The following FUT8 variants were observed in gnomAD, a reference collection of about 807,000 sequenced individuals.
FUT8 encodes the protein fucosyltransferase 8.
A neutral mutation model predicts 71.3 loss-of-function variants in FUT8; 29 were observed. The ratio of observed to expected loss-of-function variants is 0.41; its 90% CI spans 0.30 to 0.55. The LOEUF (loss-of-function observed/expected upper bound fraction) is 0.55, where lower values mean the gene tolerates loss of function less well. FUT8 is among the 20% of genes least tolerant of loss of function. FUT8 has a pLI of 0.34. For missense variants in FUT8, 544 were observed against 702.1 expected (o/e 0.77, Z 2.55); for synonymous variants, 254 against 239.3 (o/e 1.06, Z -0.57).
chr14:65,578,912 T>C (rs1425406236), intron 3 of FUT8, among the ~76,000 whole-genome samples: 1 of 152,130 alleles, frequency 6.6e-6, no homozygotes, highest in East Asian at 1.9e-4. Context: ...TTTAAAAAAA[T>C]GTATGCAAAA....
chr14:65,520,980 T>A (rs988870690), intron 2 of FUT8, among the ~76,000 whole-genome samples: 17 of 152,250 alleles, frequency 1.1e-4, no homozygotes, highest in African/African-American at 3.8e-4. Context: ...TTTAGATTTC[T>A]TTCTCTTTTT....
intron 3 of FUT8, among the ~76,000 whole-genome samples, chr14:65,587,154 A>C (rs1396342595): frequency 1.3e-5 from 2 of 151,004 alleles, no homozygotes; most frequent in East Asian, 3.9e-4. Flanking sequence ...GTGCCACTGC[A>C]CTCCAGCCTG....
the FUT8 span, among the ~76,000 whole-genome samples, chr14:65,394,047 C>T: frequency 5.9e-5 from 9 of 152,188 alleles, no homozygotes; most frequent in African/African-American, 2.2e-4. Flanking sequence ...ACCTCCACCT[C>T]CTGGGTTCAA....
At chr14:65,361,644 C>T in the FUT8 span, among the ~76,000 whole-genome samples, 5 of 151,908 alleles carry the variant, frequency 3.3e-5, no homozygotes, top group Admixed American at 6.6e-5. Flanking sequence ...AAAAATTAGC[C>T]GGGCGTGGTG....
Position 65,489,448 on chromosome 14 carries a change from C to G in FUT8, c.-228+33730C>G, listed in dbSNP as rs1431354445. Among the ~76,000 whole-genome samples, 1 of 151,970 alleles carries G rather than the reference C, an allele frequency of 6.6e-6. No homozygotes were observed. Among genetic ancestry groups the G allele is most frequent in the African/African-American group, 2.4e-5 (1 of 41,392 alleles). On this transcript the variant is annotated intron_variant, in intron 2 of 10. Transcript: ENST00000673929. This position sits in a 1 kb window ranked among gnomAD's most constrained non-coding sequence, Gnocchi z 4.0. The stretch of plus-strand genomic sequence containing the variant: ...AAAGTATTGATGTTTTTATAGGAAT[C>G]TCTGCTATCCAGGGATAAAACATAA...
intron 6 of FUT8, among the ~76,000 whole-genome samples, chr14:65,658,441 G>C (rs1891800920): frequency 6.6e-6 from 1 of 152,018 alleles, no homozygotes; most frequent in Non-Finnish European, 1.5e-5. Flanking sequence ...GTATATCCTA[G>C]AGAAAACCCA....
chr14:65,580,324 A>C (rs1048676999), intron 3 of FUT8, among the ~76,000 whole-genome samples: 1 of 151,622 alleles, frequency 6.6e-6, no homozygotes, highest in African/African-American at 2.4e-5. Context: ...GTATTTGTGT[A>C]AACATATCTA....
chr14:65,415,416 TTTA>T (rs1361944188), intron 1 of FUT8, among the ~76,000 whole-genome samples: 8 of 152,326 alleles, frequency 5.3e-5, no homozygotes, highest in Admixed American at 3.3e-4. Context: ...TGCTTAAAGA[TTTA>T]TTGGATTTCT....
chr14:65,426,977 G>A (rs1484555313), intron 1 of FUT8, among the ~76,000 whole-genome samples: 1 of 152,018 alleles, frequency 6.6e-6, no homozygotes, highest in African/African-American at 2.4e-5. Context: ...TCTTGCCTCA[G>A]CCTCCCTAGT....
intron 2 of FUT8, among the ~76,000 whole-genome samples, chr14:65,517,033 C>T (rs1882757688): frequency 6.6e-6 from 1 of 151,644 alleles, no homozygotes. Flanking sequence ...CATATTGTAG[C>T]ATGTATCAGA....
At chr14:65,428,226 G>T (rs1393342028) in intron 1 of FUT8, among the ~76,000 whole-genome samples, 1 of 152,170 alleles carries the variant, frequency 6.6e-6, no homozygotes, top group Non-Finnish European at 1.5e-5. Flanking sequence ...TAGCCACTGT[G>T]TGTGTGTGTG....
At chr14:65,386,217 G>A in the FUT8 span, among the ~76,000 whole-genome samples, 2 of 151,866 alleles carry the variant, frequency 1.3e-5, no homozygotes, top group Non-Finnish European at 2.9e-5. Context: ...TATGGCAGGA[G>A]AATTTCTTGA....
upstream of FUT8, among the ~76,000 whole-genome samples, chr14:65,409,959 A>G (rs1488491777): frequency 6.6e-6 from 1 of 152,182 alleles, no homozygotes; most frequent in Non-Finnish European, 1.5e-5. The surrounding 1 kb of genome is among the most constrained non-coding windows in gnomAD (Gnocchi z 5.4). Flanking sequence ...TTAAGCAACT[A>G]TTACAAACTG....
chr14:65,660,070 G>T lies in FUT8; in HGVS notation c.598-9173G>T, dbSNP rs1891885997. Among the ~76,000 whole-genome samples the T allele has an allele frequency of 6.6e-6, 1 of 152,110 alleles. No homozygotes were observed. ...TAACTCAACTTCTGTATCCTTGGAG[G>T]TAGTTTTATTTACATTATATTCTTG... is the stretch of plus-strand genomic sequence containing the variant. On this transcript the variant is annotated intron_variant, in intron 6 of 10. Transcript: ENST00000673929. The surrounding 1 kb of genome is among the most constrained non-coding windows in gnomAD (Gnocchi z 4.1).
At chr14:65,663,082 C>T (rs8018752) in intron 6 of FUT8, among the ~76,000 whole-genome samples, 4 of 151,812 alleles carry the variant, frequency 2.6e-5, no homozygotes, top group African/African-American at 9.7e-5. Context: ...AGTAATGAGA[C>T]CCTTCTATAT....
intron 6 of FUT8, among the ~76,000 whole-genome samples, chr14:65,647,180 G>A (rs1891160827): frequency 6.6e-6 from 1 of 152,176 alleles, no homozygotes; most frequent in Non-Finnish European, 1.5e-5. Context: ...AGTTGTATTT[G>A]ATAGATGATA....
At chr14:65,715,051 AT>A (rs1443010578) in intron 7 of FUT8, among the ~76,000 whole-genome samples, 1 of 152,066 alleles carries the variant, frequency 6.6e-6, no homozygotes, top group African/African-American at 2.4e-5. Flanking sequence ...CTTTCTTTCC[AT>A]TTTGGACACC....
chr14:65,632,999 T>TCC (rs1407705169), intron 6 of FUT8, among the ~76,000 whole-genome samples: 141 of 100,812 alleles, frequency 1.4e-3, no homozygotes, highest in African/African-American at 5.5e-3. Flanking sequence ...CTCTCCCCTC[T>TCC]CCCCTCCCCC....
At chr14:65,438,027 A>C (rs544261489) in intron 1 of FUT8, among the ~76,000 whole-genome samples, 2 of 152,204 alleles carry the variant, frequency 1.3e-5, no homozygotes, top group Non-Finnish European at 2.9e-5. Context: ...GACCCAAACT[A>C]TTTTGGCTCA....
Sources: gnomAD v4.1 joint callset for allele counts (sites outside exome capture counted in the v4.1 genomes callset) on GRCh38, gnomAD v4.1.1 for gene constraint, Gnocchi (gnomAD v3.1) non-coding constraint, MANE v1.5 for transcripts, NCBI Gene and HGNC (gene_info 2026-07-23, HGNC 2026-07-21) for gene names.